Variants in TTN observed in about 807,000 individuals in gnomAD.
The protein encoded by TTN is titin.
TTN carries 1,525 observed loss-of-function variants against 3,223.0 expected under a neutral mutation model. That is an observed-to-expected ratio of 0.47 (90% CI 0.45 to 0.49). The LOEUF is 0.49. TTN is among the 20% of genes least tolerant of loss of function. The pLI is 0.00. For missense variants in TTN, 40,786 were observed against 43,424.0 expected, an observed-to-expected ratio of 0.94 and a Z score of 5.40; for synonymous variants, 14,094 against 15,161.0, an observed-to-expected ratio of 0.93 and a Z score of 5.17.
Position 178,586,739 on chromosome 2 carries a change from A to C in TTN, c.64162T>G (p.Leu21388Val). The C allele has an allele frequency of 6.2e-7, 1 of 1,613,132 alleles. No individual in the cohort carries two copies. Among genetic ancestry groups the C allele is most frequent in the South Asian group, 1.1e-5 (1 of 91,052 alleles). ...MTKNSATLAWLPPLRDGGAKI... is the reference protein window; with the variant it reads ...MTKNSATLAWVPPLRDGGAKI... ...GCACCTCCATCACGTAGGGGAGGTA[A>C]CCAGGCTAAGGTGGCACTGTTCTTG... The change falls in exon 308 of 363, where the codon TTA becomes GTA. Residue 21388 changes from leucine to valine, a missense_variant. Coordinates refer to ENST00000589042, the MANE Select transcript of TTN (RefSeq NM_001267550.2).
At position 178,552,954 on chromosome 2, in the gene TTN, G is replaced by A. The variant is rs373311459; in HGVS notation, c.89946C>T (p.Val29982=). ...ATGTGCTAGAACATTTGTGTGACAC[G>A]ACAGACCATGTTCTCTTGGTGGCAT... The part of the protein sequence containing the change: ...KRDATKRTWS[V]VSHKCSSTSF... Residue 29982 remains valine (V), a synonymous_variant, in exon 335 of 363, where the codon GTC becomes GTT. Transcript: ENST00000589042. The A allele has an allele frequency of 3.5e-5, 57 of 1,613,266 alleles. No individual in the cohort carries two copies. In the African/African-American group the frequency reaches 3.7e-4, roughly 11 times the overall value.
chr2:178,573,677 C>T lies in TTN; in HGVS notation c.72455G>A (p.Gly24152Asp), dbSNP rs752412425. The change falls in exon 326 of 363, where the codon GGT becomes GAT. Residue 24152 changes from glycine to aspartate, a missense_variant. By Grantham distance (94) the Gly-to-Asp change is moderately conservative. Transcript: ENST00000589042. ...TACTATGTAATGATCAATTTTGGCACCTCCATCATCCAGTGGAGGGAACCA... is the reference window on the plus strand; with the variant it reads ...TACTATGTAATGATCAATTTTGGCATCTCCATCATCCAGTGGAGGGAACCA... Reference protein sequence around the residue: ...LSWFPPLDDGGAKIDHYIVQK... With the variant: ...LSWFPPLDDGDAKIDHYIVQK... 8 of 1,516,620 alleles carry T rather than the reference C, an allele frequency of 5.3e-6. No homozygotes were observed. Among genetic ancestry groups the T allele is most frequent in the Non-Finnish European group, 7.1e-6 (8 of 1,134,266 alleles). 93.9% of individuals were successfully genotyped at this position (1,516,620 alleles called of 1,614,324 possible). A position where few individuals can be genotyped will look rare whatever the true frequency, so the allele number is the denominator to read the frequency against.
intron 329 of TTN, 35 bp from the exon 330 acceptor site, chr2:178,557,179 ATAAT>A: frequency 6.2e-7 from 1 of 1,612,574 alleles, no homozygotes; most frequent in Non-Finnish European, 8.5e-7. Flanking sequence ...AGCGGCACTT[ATAAT>A]ATTTTGCTTC....
rs775749447 is a variant in TTN at position 178,529,209 on chromosome 2, A to G, written c.106542T>C (p.Asp35514=). 6.8e-7 allele frequency: 1 copy of G among 1,477,616 alleles called. No homozygotes were observed. Among genetic ancestry groups the G allele is most frequent in the Non-Finnish European group, 8.9e-7 (1 of 1,117,752 alleles). 91.5% of individuals were successfully genotyped at this position (1,477,616 alleles called of 1,614,324 possible). ...SCKLTIKAIK[D]TEAQKVSTQK... is the part of the protein sequence containing the mutation. ...GTGTAGAGACTTTCTGTGCCTCAGT[A>G]TCTTTTATAGCTAAAAAAGAAACCT... is the stretch of plus-strand genomic sequence containing the variant. Residue 35514 remains aspartate (D), a synonymous_variant, in exon 360 of 363, where the codon GAT becomes GAC. Transcript: ENST00000589042.
Position 178,672,196 on chromosome 2 carries a change from A to G in TTN, c.35002T>C (p.Leu11668=), listed in dbSNP as rs1367011959. ...QEVVVKERLE[L]EVVEAEVEEI... is the part of the protein sequence containing the mutation. ...TCCACTTCTGCTTCTACTACTTCTA[A>G]TTCTAGTCTTTCTTTTACTACTACT... The change falls in exon 155 of 363, where the codon TTA becomes CTA. Residue 11668 remains leucine, a synonymous_variant. Transcript: ENST00000589042. 6.4e-7 allele frequency: 1 copy of G among 1,570,084 alleles called. No homozygotes were observed. The highest frequency in any genetic ancestry group is 8.6e-7 in the Non-Finnish European group (1 of 1,156,112).
chr2:178,788,122 T>TA (rs1262140022), intron 13 of TTN, among the ~76,000 whole-genome samples: 1 of 152,072 alleles, frequency 6.6e-6, no homozygotes, highest in Non-Finnish European at 1.5e-5. Flanking sequence ...GATGAAAAGT[T>TA]ATGAGAGTTG....
At position 178,538,749 on chromosome 2, in the gene TTN, C is replaced by G; in HGVS notation, c.99080G>C (p.Gly33027Ala). Residue 33027 changes from glycine to alanine, a missense_variant, in exon 354 of 363, where the codon GGT becomes GCT. Gly to Ala is a moderately conservative substitution (Grantham distance 60, BLOSUM62 0). Transcript: ENST00000589042. The part of the protein sequence containing the change: ...LQWEKPECDG[G>A]KEILGYWVEY... ...AACCCAGTATCCAAGAATTTCTTTA[C>G]CACCATCACATTCAGGTTTCTCCCA... 6.2e-7 allele frequency: 1 copy of G among 1,613,730 alleles called. No homozygotes were observed. Among genetic ancestry groups the G allele is most frequent in the East Asian group, 2.2e-5 (1 of 44,870 alleles).
intron 71 of TTN, chr2:178,724,777 C>A (rs993249819): frequency 1.1e-5 from 4 of 359,698 alleles, no homozygotes; most frequent in African/African-American, 8.4e-5. Flanking sequence ...CTCTTGCTGT[C>A]GTCTTATGTA....
rs1476994621 is a variant in TTN at position 178,567,000 on chromosome 2, C to T, written c.79132G>A (p.Val26378Ile). Residue 26378 changes from valine (V) to isoleucine (I), a missense_variant, in exon 326 of 363, where the codon GTA (valine) becomes ATA (isoleucine). Transcript: ENST00000589042. ...GVGEPLESAPVLMKNPFVLPG... is the reference protein window; with the variant it reads ...GVGEPLESAPILMKNPFVLPG... ...AGCACAAATGGATTTTTCATTAGTA[C>T]TGGTGCAGATTCCAAAGGCTCTCCA... is the stretch of plus-strand genomic sequence containing the variant. 1.2e-6 allele frequency: 2 copies of T among 1,613,602 alleles called. No homozygotes were observed. Among genetic ancestry groups the T allele is most frequent in the South Asian group, 1.1e-5 (1 of 91,078 alleles).
chr2:178,768,498 G>A (rs946090203), intron 38 of TTN, among the ~76,000 whole-genome samples, 175 bp downstream of exon 38: 1 of 152,192 alleles, frequency 6.6e-6, no homozygotes, highest in Non-Finnish European at 1.5e-5. Context: ...TTAGCATAAA[G>A]TTTTAAAGGT....
chr2:178,608,192 G>A lies in TTN; in HGVS notation c.52691C>T (p.Ala17564Val). Residue 17564 changes from alanine to valine, a missense_variant, in exon 275 of 363, where the codon GCA (alanine) becomes GTA (valine). Coordinates refer to ENST00000589042, the MANE Select transcript of TTN (RefSeq NM_001267550.2). The part of the protein sequence containing the change: ...KFSPPSDPKT[A>V]HDPISPPGPP... ...GAACTACTTACAGATTGGATCATGTGCTGTTTTGGGATCTGAAGGTGGACT... is the reference window on the plus strand; with the variant it reads ...GAACTACTTACAGATTGGATCATGTACTGTTTTGGGATCTGAAGGTGGACT... 6.2e-7 allele frequency: 1 copy of A among 1,602,494 alleles called. No homozygotes were observed. Among genetic ancestry groups the A allele is most frequent in the Non-Finnish European group, 8.5e-7 (1 of 1,174,098 alleles).
rs369189634 is a variant in TTN, at chr2:178,663,636, G to T, written c.36523C>A (p.Pro12175Thr). ...AATCAGTGACAAATACCTTTAACAGGTGGGACTTCAGGCTCTTTAGGAGGA... is the reference window on the plus strand; with the variant it reads ...AATCAGTGACAAATACCTTTAACAGTTGGGACTTCAGGCTCTTTAGGAGGA... ...VAPPKEPEVP[P>T]VKVPEAPKEV... is the part of the protein sequence containing the mutation. The change falls in exon 171 of 363, where the codon CCT becomes ACT. Residue 12175 changes from proline (P) to threonine (T), a missense_variant. By Grantham distance (38) the Pro-to-Thr change is conservative. Transcript: ENST00000589042. The T allele has an allele frequency of 6.2e-7, 1 of 1,613,622 alleles. No homozygotes were observed. The highest frequency in any genetic ancestry group is 1.3e-5 in the African/African-American group (1 of 74,914).
At chr2:178,724,722 AT>A (rs1424520536) in intron 71 of TTN, 184 bp from the exon 72 acceptor site, 1 of 583,020 alleles carries the variant, frequency 1.7e-6, no homozygotes, top group South Asian at 8.5e-5. Context: ...TTATTTTAAT[AT>A]TTTTTCTTTT....
chr2:178,699,723 ATTTTTT>A (rs58607203), intron 111 of TTN, among the ~76,000 whole-genome samples: 1 of 58,146 alleles, frequency 1.7e-5, no homozygotes, highest in African/African-American at 6.3e-5. Context: ...CTCTTTTTTA[ATTTTTT>A]TTTTTTTTTT....
Position 178,711,937 on chromosome 2 carries a change from C to A in TTN, c.27886+7G>T. ...AAATTCGTTCACTTTAAAAATATTG[C>A]AATCACCTTGAACGGTAAGGAAAGT... On this transcript the variant is annotated splice_region_variant and intron_variant, in intron 96 of 362. Transcript: ENST00000589042. 6.4e-7 allele frequency: 1 copy of A among 1,556,900 alleles called. No homozygotes were observed. The highest frequency in any genetic ancestry group is 8.7e-7 in the Non-Finnish European group (1 of 1,151,540).
At chr2:178,688,973 G>A in intron 125 of TTN, 80 bp downstream of exon 125, 1 of 1,462,132 alleles carries the variant, frequency 6.8e-7, no homozygotes, top group Non-Finnish European at 9.5e-7. Flanking sequence ...CAGACCAGAT[G>A]GAAAAAGCAA....
chr2:178,584,946 AG>A lies in TTN; in HGVS notation c.64694del (p.Pro21565LeufsTer8). 1 of 1,613,286 alleles carries A rather than the reference AG, an allele frequency of 6.2e-7. No homozygotes were observed. On this transcript the variant is annotated frameshift_variant, in exon 310 of 363. Coordinates refer to ENST00000589042, the MANE Select transcript of TTN (RefSeq NM_001267550.2). LOFTEE classifies it high-confidence loss of function. ...CGTCTATATCAGAAATGTCAAATGG[AG>A]GCTGAGGGGGGCCGGGGGCATCTAC... The part of the protein sequence containing the change: ...VVMDAPGPPQ[P>X]PFDISDIDAD...
chr2:178,746,766 G>A lies in TTN; in HGVS notation c.11312-4845C>T, dbSNP rs72648912. On this transcript the variant is annotated intron_variant, in intron 47 of 362. Coordinates refer to ENST00000589042, the MANE Select transcript of TTN (RefSeq NM_001267550.2). ...TTATTTCGATACCATTTCACACCAGGAACTGGAAGACCTTCAACTTCAACA... is the reference window on the plus strand; with the variant it reads ...TTATTTCGATACCATTTCACACCAGAAACTGGAAGACCTTCAACTTCAACA... The A allele has an allele frequency of 2.5e-6, 4 of 1,613,234 alleles. No individual in the cohort carries two copies. The African/African-American group carries it at 5.3e-5, about 22-fold the overall frequency.
chr2:178,609,132 A>T, intron 273 of TTN, 76 bp downstream of exon 273: 1 of 1,410,540 alleles, frequency 7.1e-7, no homozygotes, highest in Non-Finnish European at 9.2e-7. Context: ...ATTTCTTTTA[A>T]CTCTCTCCCA....
Sources: gnomAD v4.1 joint callset for allele counts (sites outside exome capture counted in the v4.1 genomes callset) on GRCh38, gnomAD v4.1.1 for gene constraint, MANE v1.5 for transcripts, NCBI Gene and HGNC (gene_info 2026-07-23, HGNC 2026-07-21) for gene names.